Variants in ZNF385D observed in about 807,000 individuals in gnomAD.
ZNF385D encodes the protein zinc finger protein 659.
A neutral mutation model predicts 35.8 loss-of-function variants in ZNF385D; 15 were observed. The observed-to-expected ratio is 0.42, with a 90% CI of 0.28 to 0.64. ZNF385D has a LOEUF of 0.64. ZNF385D is among the 30% of genes least tolerant of loss of function. The pLI, the probability that ZNF385D is intolerant of heterozygous loss-of-function variation, is 0.23. For synonymous variants in ZNF385D, 212 were observed against 186.8 expected, an observed-to-expected ratio of 1.13 and a Z score of -1.10; for missense variants, 474 against 494.6, an observed-to-expected ratio of 0.96 and a Z score of 0.39.
chr3:21,824,784 A>G (rs1435427246), intron 3 of ZNF385D, among the ~76,000 whole-genome samples: 1 of 152,168 alleles, frequency 6.6e-6, no homozygotes, highest in Non-Finnish European at 1.5e-5. Flanking sequence ...ATTTTGATAA[A>G]TATTTTAGAG....
intron 2 of ZNF385D, among the ~76,000 whole-genome samples, chr3:21,584,589 TTTC>T (rs2063758753): frequency 8.8e-6 from 1 of 113,956 alleles, no homozygotes; most frequent in Non-Finnish European, 2.1e-5. Flanking sequence ...TAGCTTCTCT[TTTC>T]TTATTATCCA....
intron 2 of ZNF385D, among the ~76,000 whole-genome samples, chr3:22,359,260 A>G (rs539027806): frequency 7.2e-5 from 11 of 151,938 alleles, no homozygotes; most frequent in African/African-American, 2.6e-4. Context: ...CTTAAAATAT[A>G]CACAGAAGTA....
At chr3:21,439,006 C>T (rs1448085891) in intron 4 of ZNF385D, among the ~76,000 whole-genome samples, 1 of 151,874 alleles carries the variant, frequency 6.6e-6, no homozygotes, top group East Asian at 1.9e-4. Flanking sequence ...TGATTATTGC[C>T]CCCTATATAC....
intron 1 of ZNF385D, among the ~76,000 whole-genome samples, chr3:21,708,788 TGTTG>T (rs1239756885): frequency 2.6e-5 from 4 of 152,172 alleles, no homozygotes; most frequent in Non-Finnish European, 5.9e-5. Context: ...CAGTAGACTT[TGTTG>T]GTTATTTTTC....
At chr3:21,811,786 C>T (rs528253193) in intron 3 of ZNF385D, among the ~76,000 whole-genome samples, 2 of 152,172 alleles carry the variant, frequency 1.3e-5, no homozygotes, top group Non-Finnish European at 2.9e-5. Context: ...CACCATTTTG[C>T]AAGCCCTAAT....
At chr3:21,501,131 GCTT>G (rs1289508344) in intron 4 of ZNF385D, among the ~76,000 whole-genome samples, 1 of 152,108 alleles carries the variant, frequency 6.6e-6, no homozygotes, top group Admixed American at 6.5e-5. Context: ...AGCAGACACC[GCTT>G]CCTCCAGCCT....
At chr3:21,713,415 C>G (rs1255074972) in intron 1 of ZNF385D, among the ~76,000 whole-genome samples, 1 of 152,118 alleles carries the variant, frequency 6.6e-6, no homozygotes, top group Non-Finnish European at 1.5e-5. Flanking sequence ...TGTCTGTTTT[C>G]TCTTCCACCC....
chr3:21,904,476 C>T (rs958672206), intron 3 of ZNF385D, among the ~76,000 whole-genome samples: 6 of 152,004 alleles, frequency 3.9e-5, no homozygotes, highest in Non-Finnish European at 5.9e-5. Flanking sequence ...TTCCGAAATA[C>T]GTAATATCAT....
intron 3 of ZNF385D, among the ~76,000 whole-genome samples, chr3:21,834,691 T>A (rs961265483): frequency 1.3e-5 from 2 of 152,200 alleles, no homozygotes; most frequent in Admixed American, 6.6e-5. Context: ...CTGATGATGT[T>A]TGGCTCTGTG....
chr3:21,970,717 T>C (rs1289327122), intron 3 of ZNF385D, among the ~76,000 whole-genome samples: 3 of 152,018 alleles, frequency 2.0e-5, no homozygotes, highest in African/African-American at 2.4e-5. Context: ...AAGAAGTTTA[T>C]AGAACACCAA....
intron 3 of ZNF385D, among the ~76,000 whole-genome samples, chr3:21,954,242 G>A (rs923367708): frequency 6.6e-6 from 1 of 151,772 alleles, no homozygotes; most frequent in Non-Finnish European, 1.5e-5. Context: ...CAACTTCAAT[G>A]CCTGAATATT....
chr3:21,809,990 C>T (rs924217440), intron 3 of ZNF385D, among the ~76,000 whole-genome samples: 5 of 152,044 alleles, frequency 3.3e-5, no homozygotes, highest in Admixed American at 1.3e-4. Context: ...GGATTCCATA[C>T]AATATCTTCC....
At chr3:21,826,911 G>C (rs73820148) in intron 3 of ZNF385D, among the ~76,000 whole-genome samples, 6,745 of 151,948 alleles carry the variant, frequency 0.044, 280 homozygotes, top group African/African-American at 0.12. Flanking sequence ...ACAGTGAAGA[G>C]TATGGACTTC....
chr3:22,315,077 T>C (rs749936913), intron 2 of ZNF385D, among the ~76,000 whole-genome samples: 2 of 152,124 alleles, frequency 1.3e-5, no homozygotes, highest in Non-Finnish European at 2.9e-5. Context: ...ACCCAGGTTA[T>C]CGTGATAGGT....
intron 2 of ZNF385D, among the ~76,000 whole-genome samples, chr3:22,261,164 C>T (rs115843389): frequency 6.8e-4 from 104 of 151,938 alleles, no homozygotes; most frequent in African/African-American, 2.5e-3. Flanking sequence ...TACTTATAGC[C>T]TCTCAAATTT....
chr3:21,840,914 A>G (rs577055498), intron 3 of ZNF385D, among the ~76,000 whole-genome samples: 3 of 152,150 alleles, frequency 2.0e-5, no homozygotes, highest in East Asian at 1.9e-4. Flanking sequence ...ATAAATGTCT[A>G]TGACTGAGAC....
intron 3 of ZNF385D, among the ~76,000 whole-genome samples, chr3:22,126,310 GTTTTTTT>G (rs57457479): frequency 7.0e-5 from 7 of 100,146 alleles, no homozygotes; most frequent in Admixed American, 1.1e-4. Flanking sequence ...TTTGAAAGTT[GTTTTTTT>G]TTTTTTTTTT....
chr3:21,732,135 C>T lies in ZNF385D; in HGVS notation c.22+18760G>A, dbSNP rs144893794. On this transcript the variant is annotated intron_variant, in intron 1 of 7. Transcript: ENST00000281523. ...AGTGGCGCGAGCTCACTGCAACCTC[C>T]GCCTCCCAGGTTCAAGTGATTCTCC... 1.4e-3 allele frequency among the ~76,000 whole-genome samples: 198 copies of T among 142,654 alleles called. 1 individual carries two copies. Among genetic ancestry groups the T allele is most frequent in the Non-Finnish European group, 2.1e-3 (141 of 66,740 alleles). The allele number at this position is 142,654 out of a possible 152,430, so 93.6% of individuals were successfully genotyped here. A position where few individuals can be genotyped will look rare whatever the true frequency, so the allele number is the denominator to read the frequency against.
chr3:21,840,889 G>A (rs1373732049), intron 3 of ZNF385D, among the ~76,000 whole-genome samples: 1 of 151,968 alleles, frequency 6.6e-6, no homozygotes, highest in Non-Finnish European at 1.5e-5. Context: ...CTGTCTAAAA[G>A]AAACCAAGAG....
Sources: gnomAD v4.1 joint callset for allele counts (sites outside exome capture counted in the v4.1 genomes callset) on GRCh38, gnomAD v4.1.1 for gene constraint, MANE v1.5 for transcripts, NCBI Gene and HGNC (gene_info 2026-07-23, HGNC 2026-07-21) for gene names.